Variants in KALRN observed in about 807,000 individuals in gnomAD.
KALRN encodes kalirin.
KALRN carries 70 observed loss-of-function variants against 353.7 expected under a neutral mutation model. That is an observed-to-expected ratio of 0.20 (90% CI 0.16 to 0.24). KALRN has a LOEUF of 0.24. Among genes scored for constraint, KALRN ranks in the 10% least tolerant of loss-of-function variants. The probability of loss-of-function intolerance (pLI) is 1.00; values close to 1 mark genes in which losing one functional copy is unlikely to be tolerated. For missense variants in KALRN, 2,791 were observed against 3,756.7 expected, an observed-to-expected ratio of 0.74 and a Z score of 6.72; for synonymous variants, 1,391 against 1,434.8, an observed-to-expected ratio of 0.97 and a Z score of 0.69.
At chr3:124,155,307 C>G (rs1298720959) in intron 1 of KALRN, among the ~76,000 whole-genome samples, 4 of 152,162 alleles carry the variant, frequency 2.6e-5, no homozygotes, top group Non-Finnish European at 5.9e-5. Flanking sequence ...GTTTTGTCAT[C>G]AGTAGACTTG....
intron 34 of KALRN, among the ~76,000 whole-genome samples, chr3:124,594,622 G>A (rs1305234583): frequency 2.6e-5 from 4 of 152,148 alleles, no homozygotes; most frequent in Admixed American, 6.5e-5. Flanking sequence ...TTAAGAGTTC[G>A]GTGGGAAGAT....
chr3:124,697,388 A>G (rs2062104528), intron 54 of KALRN, among the ~76,000 whole-genome samples: 1 of 152,212 alleles, frequency 6.6e-6, no homozygotes, highest in Non-Finnish European at 1.5e-5. Context: ...AGGGTGCAGT[A>G]TTTAGCCCAA....
At chr3:124,242,862 A>T (rs2148665367) in intron 3 of KALRN, among the ~76,000 whole-genome samples, 1 of 151,918 alleles carries the variant, frequency 6.6e-6, no homozygotes, top group South Asian at 2.1e-4. Flanking sequence ...AGATGCATTA[A>T]CTCTCATTTA....
Position 124,496,292 on chromosome 3 carries a change from T to G in KALRN, c.4833-19T>G. 4 of 1,606,750 alleles carry G rather than the reference T, an allele frequency of 2.5e-6. No homozygotes were observed. Among genetic ancestry groups the G allele is most frequent in the Non-Finnish European group, 3.4e-6 (4 of 1,174,002 alleles). On this transcript the variant is annotated intron_variant, in intron 32 of 59. Transcript: ENST00000682506. ...TTCCCCCCACCCCCACCCCTGTTTT[T>G]TTTCTCTTCTTCCTGCAGGGATGGA...
chr3:124,299,058 G>A, intron 6 of KALRN, 145 bp downstream of exon 6: 3 of 1,074,052 alleles, frequency 2.8e-6, no homozygotes, highest in Non-Finnish European at 4.1e-6. Flanking sequence ...GAATGGGGAT[G>A]AGTGCAGGGC....
At chr3:124,281,542 C>T (rs2075343380) in intron 5 of KALRN, among the ~76,000 whole-genome samples, 1 of 152,206 alleles carries the variant, frequency 6.6e-6, no homozygotes, top group African/African-American at 2.4e-5. Context: ...AACACTCCTC[C>T]CATTTGGAAT....
At chr3:124,466,709 C>T (rs2060380937) in intron 25 of KALRN, among the ~76,000 whole-genome samples, 1 of 152,114 alleles carries the variant, frequency 6.6e-6, no homozygotes, top group Non-Finnish European at 1.5e-5. Flanking sequence ...GGAGACAATC[C>T]CAGAGGAGTC....
chr3:124,642,464 T>A (rs2082143630), intron 37 of KALRN, among the ~76,000 whole-genome samples: 1 of 152,136 alleles, frequency 6.6e-6, no homozygotes, highest in Non-Finnish European at 1.5e-5. Flanking sequence ...ACTGAACTCC[T>A]ATTTAGTCTA....
At chr3:124,129,690 G>A (rs958985104) in intron 1 of KALRN, among the ~76,000 whole-genome samples, 9 of 152,148 alleles carry the variant, frequency 5.9e-5, no homozygotes, top group Non-Finnish European at 1.0e-4. Flanking sequence ...TAATCACGTC[G>A]CCTTCAATCA....
chr3:124,201,627 G>T (rs1229379061), intron 1 of KALRN, among the ~76,000 whole-genome samples: 1 of 152,186 alleles, frequency 6.6e-6, no homozygotes, highest in Non-Finnish European at 1.5e-5. Flanking sequence ...GCTGTGGTCT[G>T]TACAGGTTGA....
At chr3:124,182,759 G>A (rs2073776515) in intron 1 of KALRN, among the ~76,000 whole-genome samples, 1 of 152,120 alleles carries the variant, frequency 6.6e-6, no homozygotes, top group African/African-American at 2.4e-5. Flanking sequence ...TTCATCTAGT[G>A]CCTCTTTAAC....
chr3:124,418,722 T>G (rs551124164), intron 14 of KALRN, among the ~76,000 whole-genome samples: 38 of 152,366 alleles, frequency 2.5e-4, no homozygotes, highest in South Asian at 1.2e-3. Context: ...TATTGTTAGC[T>G]GTGGCTTTTA....
Position 124,561,854 on chromosome 3 carries a change from A to G in KALRN, c.4936-989A>G, listed in dbSNP as rs567822569. The stretch of plus-strand genomic sequence containing the variant: ...AAGTGCAGCTGCTCTTCCAAGAGGG[A>G]GACTGTACTTAGTTCTATGAGACAA... On this transcript the variant is annotated intron_variant, in intron 33 of 59. Transcript: ENST00000682506. 6.0e-4 allele frequency among the ~76,000 whole-genome samples: 91 copies of G among 152,288 alleles called. 1 individual carries two copies. Among genetic ancestry groups the G allele is most frequent in the African/African-American group, 2.2e-3 (90 of 41,558 alleles).
At chr3:124,557,787 C>T (rs2071453717) in intron 33 of KALRN, among the ~76,000 whole-genome samples, 1 of 152,154 alleles carries the variant, frequency 6.6e-6, no homozygotes, top group South Asian at 2.1e-4. Flanking sequence ...TTGGGCACAG[C>T]TCCCCCTCTG....
rs1210756389 is a variant in KALRN, at chr3:124,094,771, C to G, written c.73+60958C>G. On this transcript the variant is annotated intron_variant, in intron 1 of 59. Coordinates refer to ENST00000682506, the MANE Select transcript of KALRN (RefSeq NM_001388419.1). Reference sequence around the variant, plus strand: ...CAGCGTCAAGTGATTCCGGCCTCCTCGAGTCAGCGGTGGTGGGATGAGGCT... The same window carrying G: ...CAGCGTCAAGTGATTCCGGCCTCCTGGAGTCAGCGGTGGTGGGATGAGGCT... 2.2e-6 allele frequency: 3 copies of G among 1,386,480 alleles called. No homozygotes were observed. In the African/African-American group the frequency reaches 4.3e-5, roughly 20 times the overall value. The allele number at this position is 1,386,480 out of a possible 1,614,324, so 85.9% of individuals were successfully genotyped here.
At chr3:124,252,529 A>G (rs1384771642) in intron 3 of KALRN, among the ~76,000 whole-genome samples, 1 of 152,208 alleles carries the variant, frequency 6.6e-6, no homozygotes, top group African/African-American at 2.4e-5. Flanking sequence ...TTAGGATAAG[A>G]TACTACCTTT....
At chr3:124,303,882 G>A (rs1042055824) in intron 6 of KALRN, among the ~76,000 whole-genome samples, 1 of 152,052 alleles carries the variant, frequency 6.6e-6, no homozygotes, top group Non-Finnish European at 1.5e-5. Context: ...TTCTCTCTTT[G>A]TTTTGAGGGA....
At chr3:124,236,251 T>C (rs2079746268) in intron 3 of KALRN, among the ~76,000 whole-genome samples, 1 of 152,160 alleles carries the variant, frequency 6.6e-6, no homozygotes, top group African/African-American at 2.4e-5. Context: ...CTTATAAACT[T>C]TGAGTGCATG....
intron 1 of KALRN, chr3:124,095,668 T>C (rs978834794): frequency 2.0e-5 from 3 of 152,260 alleles, no homozygotes; most frequent in Non-Finnish European, 4.4e-5. Flanking sequence ...TATCAAATAT[T>C]AATGCAATTA....
Sources: gnomAD v4.1 joint callset for allele counts (sites outside exome capture counted in the v4.1 genomes callset) on GRCh38, gnomAD v4.1.1 for gene constraint, MANE v1.5 for transcripts, NCBI Gene and HGNC (gene_info 2026-07-23, HGNC 2026-07-21) for gene names.